Variants in HDAC4 observed in about 807,000 individuals in gnomAD.
The protein encoded by HDAC4 is histone deacetylase A.
A neutral mutation model predicts 135.1 loss-of-function variants in HDAC4; 16 were observed. The ratio of observed to expected loss-of-function variants is 0.12; its 90% confidence interval spans 0.08 to 0.18. The LOEUF (loss-of-function observed/expected upper bound fraction) is 0.18. HDAC4 is among the 10% of genes least tolerant of loss of function. The pLI is 1.00. For missense variants in HDAC4, 1,143 were observed against 1,511.8 expected (o/e 0.76, Z 4.05); for synonymous variants, 685 against 653.4 (o/e 1.05, Z -0.74).
intron 2 of HDAC4, among the ~76,000 whole-genome samples, chr2:239,335,951 T>C (rs1691907446): frequency 6.6e-6 from 1 of 152,232 alleles, no homozygotes; most frequent in Non-Finnish European, 1.5e-5. Flanking sequence ...AGTAGCATTA[T>C]ACATAATTCC....
intron 2 of HDAC4, among the ~76,000 whole-genome samples, chr2:239,340,353 A>G (rs1397457710): frequency 6.6e-6 from 1 of 152,202 alleles, no homozygotes; most frequent in Non-Finnish European, 1.5e-5. Flanking sequence ...ATGTGAAGGC[A>G]GATAGACAAT....
intron 2 of HDAC4, among the ~76,000 whole-genome samples, chr2:239,287,856 G>A (rs1438823443): frequency 2.6e-5 from 4 of 152,036 alleles, no homozygotes; most frequent in African/African-American, 9.7e-5. Context: ...AATTGAAAAC[G>A]TAGATTAAGT....
chr2:239,267,147 C>T (rs961798075), intron 2 of HDAC4, among the ~76,000 whole-genome samples: 9 of 152,200 alleles, frequency 5.9e-5, no homozygotes, highest in African/African-American at 9.7e-5. Context: ...CATTACTTGA[C>T]CTCTGATGTT....
In HDAC4 at chr2:239,139,292, C is replaced by T. The variant is rs1301830252; in HGVS notation, c.978+392G>A. Among the ~76,000 whole-genome samples, 2 of 152,218 alleles carry T rather than the reference C, an allele frequency of 1.3e-5. No homozygotes were observed. Among genetic ancestry groups the T allele is most frequent in the Non-Finnish European group, 2.9e-5 (2 of 68,036 alleles). On this transcript the variant is annotated intron_variant, in intron 9 of 26. Coordinates refer to ENST00000543185, the MANE Select transcript of HDAC4 (RefSeq NM_001378414.1). This position sits in a 1 kb window ranked among gnomAD's most constrained non-coding sequence, Gnocchi z 5.3. The stretch of plus-strand genomic sequence containing the variant: ...GCAACTATACCCACGTGCCCACGGC[C>T]TCTCAGCCACCCTCAGAGCACTGGC...
intron 2 of HDAC4, among the ~76,000 whole-genome samples, chr2:239,239,208 C>T (rs2048048428): frequency 6.6e-6 from 1 of 152,220 alleles, no homozygotes; most frequent in African/African-American, 2.4e-5. Context: ...GCCTCCTGGA[C>T]TTCTAAAGAT....
At chr2:239,243,709 G>T (rs2048320621) in intron 2 of HDAC4, among the ~76,000 whole-genome samples, 1 of 152,180 alleles carries the variant, frequency 6.6e-6, no homozygotes, top group African/African-American at 2.4e-5. Flanking sequence ...ACAGCTGTGA[G>T]TTTATAGAAA....
At chr2:239,387,098 G>A (rs952269861) in intron 1 of HDAC4, among the ~76,000 whole-genome samples, 2 of 152,264 alleles carry the variant, frequency 1.3e-5, no homozygotes, top group African/African-American at 4.8e-5. Flanking sequence ...GGGTGGGAAT[G>A]CTTGCTGTGT....
At chr2:239,235,050 A>T (rs2047804499) in intron 3 of HDAC4, among the ~76,000 whole-genome samples, 1 of 152,220 alleles carries the variant, frequency 6.6e-6, no homozygotes, top group Non-Finnish European at 1.5e-5. Flanking sequence ...CCAAAATTTT[A>T]AAATTGTGCA....
In HDAC4 at chr2:239,349,322, A is replaced by G. The variant is rs1285662857; in HGVS notation, c.22+3356T>C. ...CGGCTCCTCGGCTCAAGGAAAAGGG[A>G]CAGCGGTTCCGTGGCTGTGCTCTGA... On this transcript the variant is annotated intron_variant, in intron 2 of 26. Transcript: ENST00000543185. The surrounding 1 kb of genome is among the most constrained non-coding windows in gnomAD (Gnocchi z 5.7). Among the ~76,000 whole-genome samples the G allele has an allele frequency of 6.6e-6, 1 of 152,198 alleles. No homozygotes were observed. Among genetic ancestry groups the G allele is most frequent in the Non-Finnish European group, 1.5e-5 (1 of 68,034 alleles).
At chr2:239,118,417 G>A (rs1026868985) in intron 12 of HDAC4, among the ~76,000 whole-genome samples, 1 of 152,210 alleles carries the variant, frequency 6.6e-6, no homozygotes, top group African/African-American at 2.4e-5. Flanking sequence ...GTGGGAACCA[G>A]TAGGCGGCGT....
At chr2:239,270,321 G>T (rs1054420916) in intron 2 of HDAC4, among the ~76,000 whole-genome samples, 3 of 152,200 alleles carry the variant, frequency 2.0e-5, no homozygotes, top group Non-Finnish European at 2.9e-5. Context: ...GAAAGAACTC[G>T]CTGTGGCCTC....
At position 239,067,994 on chromosome 2, in the gene HDAC4, C is replaced by T. The variant is rs536692597; in HGVS notation, c.2869+495G>A. Among the ~76,000 whole-genome samples, 7 of 152,324 alleles carry T rather than the reference C, an allele frequency of 4.6e-5. No individual in the cohort carries two copies. In the South Asian group the frequency reaches 1.0e-3, roughly 23 times the overall value. On this transcript the variant is annotated intron_variant, in intron 23 of 26. Transcript: ENST00000543185. Reference sequence around the variant, plus strand: ...TTGCTGAGGCACAGCAGGAGCACTGCTGGGCAGTCCCTCCTCCCATCCTGA... The same window carrying T: ...TTGCTGAGGCACAGCAGGAGCACTGTTGGGCAGTCCCTCCTCCCATCCTGA...
At chr2:239,281,816 ACT>A (rs1290040800) in intron 2 of HDAC4, among the ~76,000 whole-genome samples, 1 of 145,036 alleles carries the variant, frequency 6.9e-6, no homozygotes, top group Non-Finnish European at 1.5e-5. Flanking sequence ...TGTACACACC[ACT>A]CTCAATGTAC....
intron 2 of HDAC4, among the ~76,000 whole-genome samples, chr2:239,321,956 G>A (rs1336499223): frequency 6.6e-6 from 1 of 152,214 alleles, no homozygotes; most frequent in African/African-American, 2.4e-5. Context: ...ATGAAAGAAT[G>A]AAGCAACGAA....
chr2:239,400,563 G>A lies in HDAC4; in HGVS notation c.-220+415C>T, dbSNP rs1575817701. On this transcript the variant is annotated intron_variant, in intron 1 of 26. Coordinates refer to ENST00000543185, the MANE Select transcript of HDAC4 (RefSeq NM_001378414.1). This position sits in a 1 kb window ranked among gnomAD's most constrained non-coding sequence, Gnocchi z 4.7. ...GCCAGCGCTGGCCCCCGCCTCCCAC[G>A]GCCGCGCGCGGGGCGGGTGTGGACC... 6.9e-6 allele frequency: 1 copy of A among 145,446 alleles called. No individual in the cohort carries two copies. Among genetic ancestry groups the A allele is most frequent in the Admixed American group, 6.8e-5 (1 of 14,692 alleles). The allele number at this position is 145,446 out of a possible 1,614,324, so 9.0% of individuals were successfully genotyped here. A position where few individuals can be genotyped will look rare whatever the true frequency, so the allele number is the denominator to read the frequency against.
At position 239,141,105 on chromosome 2, in the gene HDAC4, G is replaced by A; in HGVS notation, c.866-1309C>T. 3.6e-6 allele frequency: 1 copy of A among 275,046 alleles called. No individual in the cohort carries two copies. The highest frequency in any genetic ancestry group is 5.0e-5 in the Admixed American group (1 of 19,844). The allele number at this position is 275,046 out of a possible 1,614,324, so 17.0% of individuals were successfully genotyped here. Reference sequence around the variant, plus strand: ...GAAGAGGAGATGGAGGCATGGAGCAGCAACATCACTCGTCCCAGGCCACGT... The same window carrying A: ...GAAGAGGAGATGGAGGCATGGAGCAACAACATCACTCGTCCCAGGCCACGT... On this transcript the variant is annotated intron_variant, in intron 8 of 26. Coordinates refer to ENST00000543185, the MANE Select transcript of HDAC4 (RefSeq NM_001378414.1). This position sits in a 1 kb window ranked among gnomAD's most constrained non-coding sequence, Gnocchi z 4.9.
At chr2:239,350,039 G>A (rs560511529) in intron 2 of HDAC4, among the ~76,000 whole-genome samples, 1 of 152,264 alleles carries the variant, frequency 6.6e-6, no homozygotes, top group South Asian at 2.1e-4. Flanking sequence ...CACAGAAAAG[G>A]CCAAACAAAC....
intron 17 of HDAC4, chr2:239,094,770 A>G: frequency 7.2e-7 from 1 of 1,379,484 alleles, no homozygotes; most frequent in Non-Finnish European, 9.4e-7. Flanking sequence ...AGCGAGAGCC[A>G]CTGCACCCCA....
intron 2 of HDAC4, among the ~76,000 whole-genome samples, chr2:239,264,031 C>T (rs538550215): frequency 6.6e-6 from 1 of 151,686 alleles, no homozygotes; most frequent in South Asian, 2.1e-4. Flanking sequence ...GGGCCATCCT[C>T]GAGCGGGGGC....
Sources: allele counts gnomAD v4.1 joint callset (sites outside exome capture counted in the v4.1 genomes callset), GRCh38; gene constraint gnomAD v4.1.1; non-coding constraint Gnocchi (gnomAD v3.1); transcripts MANE v1.5; gene names NCBI Gene and HGNC (gene_info 2026-07-23, HGNC 2026-07-21).